Variants in DLG2 observed in about 807,000 individuals in gnomAD.
The protein encoded by DLG2 is disks large homolog 2.
In DLG2, 45 loss-of-function variants were observed where a neutral mutation model predicts 132.5. The ratio of observed to expected loss-of-function variants is 0.34; its 90% CI spans 0.27 to 0.44. DLG2 has a LOEUF of 0.44. Ranked by LOEUF, DLG2 falls within the 20% of genes least tolerant of loss-of-function variation. The pLI, the probability that DLG2 is intolerant of heterozygous loss-of-function variation, is 1.00. For missense variants in DLG2, 1,045 were observed against 1,196.9 expected, an observed-to-expected ratio of 0.87 and a Z score of 1.87; for synonymous variants, 424 against 419.6, an observed-to-expected ratio of 1.01 and a Z score of -0.13.
chr11:83,717,207 A>C (rs1249708936), intron 18 of DLG2, among the ~76,000 whole-genome samples: 1 of 152,228 alleles, frequency 6.6e-6, no homozygotes, highest in African/African-American at 2.4e-5. Context: ...TGATTTGCAC[A>C]CACTGAGCTC....
intron 3 of DLG2, among the ~76,000 whole-genome samples, chr11:85,419,464 T>C (rs2090125319): frequency 6.6e-6 from 1 of 152,236 alleles, no homozygotes; most frequent in Non-Finnish European, 1.5e-5. Flanking sequence ...AATTTGAATG[T>C]TGGCCTACCT....
rs555396916 is a variant in DLG2 at position 83,628,852 on chromosome 11, A to G, written c.1940+4359T>C. 3.9e-5 allele frequency among the ~76,000 whole-genome samples: 6 copies of G among 152,304 alleles called. No individual in the cohort carries two copies. The South Asian group carries it at 1.0e-3, about 26-fold the overall frequency. ...GTAAATCATGACCCATTAGTGAGTT[A>G]TTAAATCAAGTTAATGAGCTATGAT... On this transcript the variant is annotated intron_variant, in intron 19 of 27. Transcript: ENST00000376104.
chr11:84,461,635 G>A (rs1256522519), intron 7 of DLG2, among the ~76,000 whole-genome samples: 1 of 150,990 alleles, frequency 6.6e-6, no homozygotes, highest in Non-Finnish European at 1.5e-5. Context: ...TTGAAGACTT[G>A]ATAAATGTTC....
intron 3 of DLG2, among the ~76,000 whole-genome samples, chr11:85,305,635 C>A (rs1052024412): frequency 6.6e-5 from 10 of 152,114 alleles, no homozygotes; most frequent in Admixed American, 5.9e-4. Flanking sequence ...GCCTCAGCCT[C>A]CCGAGTAGCT....
chr11:83,654,942 A>G (rs753308849), intron 18 of DLG2, among the ~76,000 whole-genome samples: 1 of 152,230 alleles, frequency 6.6e-6, no homozygotes, highest in Non-Finnish European at 1.5e-5. Context: ...GACAAGAGAA[A>G]CAACTATCAC....
In DLG2 at chr11:85,321,426, G is replaced by T. The variant is rs181247396; in HGVS notation, c.41-36061C>A. 1.1e-4 allele frequency among the ~76,000 whole-genome samples: 17 copies of T among 152,084 alleles called. No individual in the cohort carries two copies. The East Asian group carries it at 3.1e-3, about 28-fold the overall frequency. Reference sequence around the variant, plus strand: ...TATAACTAGAGATATAAATTTAGAAGTTGGAATTATATAGATTGCATTTAA... The same window carrying T: ...TATAACTAGAGATATAAATTTAGAATTTGGAATTATATAGATTGCATTTAA... On this transcript the variant is annotated intron_variant, in intron 3 of 27. Coordinates refer to ENST00000376104, the MANE Select transcript of DLG2 (RefSeq NM_001142699.3).
chr11:85,389,440 G>T (rs1317886852), intron 3 of DLG2, among the ~76,000 whole-genome samples: 1 of 152,174 alleles, frequency 6.6e-6, no homozygotes, highest in Non-Finnish European at 1.5e-5. Context: ...ATATTTGAGG[G>T]AATACCTGAG....
intron 14 of DLG2, among the ~76,000 whole-genome samples, chr11:83,941,909 T>C (rs1461452050): frequency 6.6e-6 from 1 of 152,364 alleles, no homozygotes; most frequent in African/African-American, 2.4e-5. Context: ...GACGTTTTTC[T>C]GTGTCAGTAC....
In DLG2 at chr11:83,794,436, G is replaced by GTTTTTTTTTTTTTTTTTTTTTTTTT. The variant is rs1566986420; in HGVS notation, c.1723-7645_1723-7644insAAAAAAAAAAAAAAAAAAAAAAAAA. On this transcript the variant is annotated intron_variant, in intron 17 of 27. Transcript: ENST00000376104. The stretch of plus-strand genomic sequence containing the variant: ...GACACAGCCTCATATATTTACTATT[G>GTTTTTTTTTTTTTTTTTTTTTTTTT]GTTTTTTTTTTTTTTTTTTTTTTTT... 2.2e-5 allele frequency among the ~76,000 whole-genome samples: 2 copies of GTTTTTTTTTTTTTTTTTTTTTTTTT among 90,004 alleles called. 1 individual carries two copies. The highest frequency in any genetic ancestry group is 1.0e-4 in the African/African-American group (2 of 20,030). The allele number at this position is 90,004 out of a possible 152,430, so 59.0% of individuals were successfully genotyped here.
In DLG2 at chr11:85,005,307, TTACTTTGGGCAGTATGGCCATTTTCACAA is replaced by T. The variant is rs1437383589; in HGVS notation, c.357+106325_357+106353del. On this transcript the variant is annotated intron_variant, in intron 6 of 27. Transcript: ENST00000376104. ...ATGGGGATAGCATCAAATCTATAAA[TTACTTTGGGCAGTATGGCCATTTTCACAA>T]TACTGATTCTTCCTATCCATGAGCA... 2.2e-4 allele frequency among the ~76,000 whole-genome samples: 33 copies of T among 152,354 alleles called. No individual in the cohort carries two copies. In the East Asian group the frequency reaches 6.0e-3, roughly 28 times the overall value.
At chr11:85,603,461 CCT>C (rs746878545) in intron 2 of DLG2, among the ~76,000 whole-genome samples, 7 of 152,016 alleles carry the variant, frequency 4.6e-5, no homozygotes, top group Non-Finnish European at 8.8e-5. Context: ...TTTTTCATTT[CCT>C]CATTAAAGTC....
chr11:83,660,065 A>C (rs1195102544), intron 18 of DLG2, among the ~76,000 whole-genome samples: 2 of 152,238 alleles, frequency 1.3e-5, no homozygotes, highest in African/African-American at 4.8e-5. Context: ...AAGATACGAA[A>C]AGATTGTTCT....
intron 5 of DLG2, among the ~76,000 whole-genome samples, chr11:85,122,982 T>TATATATATATATATATATATATATATATA (rs1271959521): frequency 6.3e-5 from 2 of 31,930 alleles, no homozygotes; most frequent in East Asian, 3.0e-3. Context: ...TTTTTTTTTT[T>TATATATATATATATATATATATATATATA]TTTTTTTTTT....
At chr11:84,835,986 G>T (rs2079710061) in intron 6 of DLG2, among the ~76,000 whole-genome samples, 1 of 151,658 alleles carries the variant, frequency 6.6e-6, no homozygotes, top group South Asian at 2.1e-4. Context: ...TTACAGTATG[G>T]CTGCACAGCC....
intron 6 of DLG2, among the ~76,000 whole-genome samples, chr11:84,745,502 C>A (rs1399552092): frequency 6.6e-6 from 1 of 152,082 alleles, no homozygotes; most frequent in African/African-American, 2.4e-5. Context: ...GTACAGCCTG[C>A]AGAACTGTGA....
rs529296443 is a variant in DLG2, at chr11:85,166,728, A to G, written c.187-12077T>C. Among the ~76,000 whole-genome samples the G allele has an allele frequency of 6.6e-5, 10 of 152,300 alleles. No homozygotes were observed. The East Asian group carries it at 1.9e-3, about 29-fold the overall frequency. On this transcript the variant is annotated intron_variant, in intron 4 of 27. Transcript: ENST00000376104. ...AGATTTAAAGCTTCTTCAACACAGT[A>G]AGTTTATTACCATCTTGACATCCTT...
intron 6 of DLG2, among the ~76,000 whole-genome samples, chr11:85,069,445 C>T (rs1366684809): frequency 6.6e-6 from 1 of 152,062 alleles, no homozygotes; most frequent in East Asian, 1.9e-4. Context: ...AGAACTCAAA[C>T]AAACTTACAA....
intron 19 of DLG2, among the ~76,000 whole-genome samples, chr11:83,587,688 T>A (rs184350292): frequency 6.6e-6 from 1 of 152,166 alleles, no homozygotes; most frequent in East Asian, 1.9e-4. Flanking sequence ...CAGCGTGAGC[T>A]ACGCAGAAGA....
intron 8 of DLG2, 45 bp from the exon 9 acceptor site, chr11:84,163,556 T>TCCTCCTCAA: frequency 6.7e-7 from 1 of 1,493,056 alleles, no homozygotes. Context: ...AAATACATGT[T>TCCTCCTCAA]GAGGAGGAGA....
Sources: allele counts gnomAD v4.1 joint callset (sites outside exome capture counted in the v4.1 genomes callset), GRCh38; gene constraint gnomAD v4.1.1; transcripts MANE v1.5; gene names NCBI Gene and HGNC (gene_info 2026-07-23, HGNC 2026-07-21).